The following METTL15 variants were observed in gnomAD, a reference collection of about 807,000 sequenced individuals.
The protein encoded by METTL15 is methyltransferase 15, mitochondrial 12S rRNA N4-cytidine.
METTL15 carries 34 observed loss-of-function variants against 38.3 expected under a neutral mutation model. The ratio of observed to expected loss-of-function variants is 0.89; its 90% CI spans 0.68 to 1.18. The LOEUF is 1.18. Among genes scored for constraint, METTL15 ranks in the 50% most tolerant of loss-of-function variants. The pLI is 0.00. For missense variants in METTL15, 438 were observed against 498.4 expected (o/e 0.88, Z 1.15); for synonymous variants, 162 against 170.9 (o/e 0.95, Z 0.41).
intron 5 of METTL15, among the ~76,000 whole-genome samples, chr11:28,373,986 C>T (rs930812929): frequency 2.0e-5 from 3 of 151,912 alleles, no homozygotes; most frequent in East Asian, 1.9e-4. Context: ...AGTTATGCGG[C>T]GTTATTTCTG....
chr11:28,390,242 A>G (rs1439057388), intron 5 of METTL15, among the ~76,000 whole-genome samples: 1 of 150,394 alleles, frequency 6.6e-6, no homozygotes, highest in Admixed American at 6.6e-5. Flanking sequence ...ATTAGATCCC[A>G]TTTGTCAATT....
intron 5 of METTL15, among the ~76,000 whole-genome samples, chr11:28,388,034 T>C (rs983097107): frequency 1.6e-5 from 2 of 125,386 alleles, no homozygotes; most frequent in African/African-American, 5.1e-5. Context: ...AAACTAGAAA[T>C]AGGAATAAAT....
At chr11:28,279,643 G>A (rs902277147) in intron 4 of METTL15, among the ~76,000 whole-genome samples, 42 of 152,166 alleles carry the variant, frequency 2.8e-4, no homozygotes, top group African/African-American at 9.7e-4. Flanking sequence ...GCTCACGCCT[G>A]TAATCCCAGC....
chr11:28,487,743 CCTCTGTCTTAGCTTCTAT>C (rs1398595770), intron 6 of METTL15, among the ~76,000 whole-genome samples: 1 of 152,126 alleles, frequency 6.6e-6, no homozygotes, highest in African/African-American at 2.4e-5. Flanking sequence ...TCACCATCTA[CCTCTGTCTTAGCTTCTAT>C]TTCTTCTCTC....
chr11:28,366,457 A>T (rs566160030), intron 5 of METTL15, among the ~76,000 whole-genome samples: 1 of 151,744 alleles, frequency 6.6e-6, no homozygotes, highest in East Asian at 2.0e-4. Flanking sequence ...AGTAGAAACT[A>T]TAAAGAAGCA....
chr11:28,224,295 G>A (rs552764048), intron 4 of METTL15, among the ~76,000 whole-genome samples: 1 of 151,592 alleles, frequency 6.6e-6, no homozygotes, highest in African/African-American at 2.4e-5. Flanking sequence ...ATCCATTTTG[G>A]TTAATTGTAT....
chr11:28,490,958 T>A (rs1314446767), intron 6 of METTL15, among the ~76,000 whole-genome samples: 6 of 152,166 alleles, frequency 3.9e-5, no homozygotes. Context: ...TGTGTTGAAT[T>A]ATGAAATAAA....
chr11:28,163,498 G>A (rs899494252), intron 3 of METTL15: 9 of 397,000 alleles, frequency 2.3e-5, no homozygotes, highest in African/African-American at 1.9e-4. Flanking sequence ...ATTTTGCATA[G>A]ATCTTTCTAA....
chr11:28,426,906 G>A (rs1436796067), intron 6 of METTL15, among the ~76,000 whole-genome samples: 1 of 151,936 alleles, frequency 6.6e-6, no homozygotes, highest in African/African-American at 2.4e-5. Context: ...TCACTCTGAT[G>A]ATAGGTTTTT....
At chr11:28,127,699 A>G (rs998914282) in intron 3 of METTL15, among the ~76,000 whole-genome samples, 4 of 152,222 alleles carry the variant, frequency 2.6e-5, no homozygotes, top group Admixed American at 1.3e-4. Flanking sequence ...TTTTATTGCT[A>G]TTTTATGTAG....
At chr11:28,310,566 C>T (rs1857240040) in intron 6 of METTL15, among the ~76,000 whole-genome samples, 1 of 152,054 alleles carries the variant, frequency 6.6e-6, no homozygotes, top group Non-Finnish European at 1.5e-5. Context: ...CCAACCAATT[C>T]CCTAAGATAT....
chr11:28,505,479 A>AAAAC (rs1246253570), intron 6 of METTL15, among the ~76,000 whole-genome samples: 1 of 152,214 alleles, frequency 6.6e-6, no homozygotes, highest in African/African-American at 2.4e-5. Flanking sequence ...TCCGCCCATT[A>AAAAC]AAACAAACAA....
chr11:28,191,123 AACTGG>A (rs1851684595), intron 3 of METTL15, among the ~76,000 whole-genome samples: 2 of 151,436 alleles, frequency 1.3e-5, no homozygotes, highest in Non-Finnish European at 3.0e-5. Flanking sequence ...TTTAGAATGG[AACTGG>A]CATGAATGAT....
intron 6 of METTL15, among the ~76,000 whole-genome samples, chr11:28,518,288 A>G (rs1271641037): frequency 2.0e-5 from 3 of 152,226 alleles, no homozygotes; most frequent in Admixed American, 1.3e-4. Context: ...ACTTTTGGGA[A>G]GGAACTATCC....
intron 6 of METTL15, among the ~76,000 whole-genome samples, chr11:28,452,759 C>T (rs1052455979): frequency 1.3e-5 from 2 of 152,112 alleles, no homozygotes; most frequent in African/African-American, 2.4e-5. Flanking sequence ...TCACTGCCCC[C>T]GTTGAGTGCT....
intron 4 of METTL15, among the ~76,000 whole-genome samples, chr11:28,285,355 T>A (rs1856213043): frequency 6.9e-6 from 1 of 145,114 alleles, no homozygotes; most frequent in African/African-American, 2.6e-5. Context: ...TCTTAAAACA[T>A]CATGAGATTT....
chr11:28,290,288 G>C lies in METTL15; in HGVS notation c.490G>C (p.Asp164His), dbSNP rs1394732266. The change falls in exon 5 of 7, where the codon GAT (aspartate) becomes CAT (histidine). Residue 164 changes from aspartate to histidine, a missense_variant. Physicochemically the swap from Asp to His is moderately conservative, Grantham distance 81 (BLOSUM62 -1). Transcript: ENST00000407364. ...AGCTGGAGTGCAGCCAGGAACTTTT[G>C]ATGGAGTTCTTATGGATCTTGGGTG... ...MKAGVQPGTF[D>H]GVLMDLGCSS... 3 of 1,613,494 alleles carry C rather than the reference G, an allele frequency of 1.9e-6. No homozygotes were observed. Among genetic ancestry groups the C allele is most frequent in the Non-Finnish European group, 1.7e-6 (2 of 1,179,670 alleles).
chr11:28,132,072 T>G (rs1017279842), intron 3 of METTL15, among the ~76,000 whole-genome samples: 1 of 152,226 alleles, frequency 6.6e-6, no homozygotes, highest in African/African-American at 2.4e-5. Flanking sequence ...TCCTGAAGTA[T>G]GCATACCTTG....
intron 3 of METTL15, among the ~76,000 whole-genome samples, chr11:28,165,997 G>A (rs564832525): frequency 3.9e-5 from 6 of 152,162 alleles, no homozygotes; most frequent in African/African-American, 1.4e-4. Flanking sequence ...ATTGGTTGAT[G>A]TGTCTGTTTT....
Sources: allele counts gnomAD v4.1 joint callset (sites outside exome capture counted in the v4.1 genomes callset), GRCh38; gene constraint gnomAD v4.1.1; transcripts MANE v1.5; gene names NCBI Gene and HGNC (gene_info 2026-07-23, HGNC 2026-07-21).